Variants in SPTB observed in about 807,000 individuals in gnomAD.
SPTB encodes the protein spectrin beta, erythrocytic, also known as spectrin beta chain, erythrocytic.
SPTB carries 45 observed loss-of-function variants against 256.2 expected under a neutral mutation model. The observed-to-expected ratio is 0.18, with a 90% CI of 0.14 to 0.23. The LOEUF (loss-of-function observed/expected upper bound fraction) is 0.23. Ranked by LOEUF, SPTB falls within the 10% of genes least tolerant of loss-of-function variation. The pLI, the probability that SPTB is intolerant of heterozygous loss-of-function variation, is 1.00. For synonymous variants in SPTB, 1,231 were observed against 1,243.1 expected, an observed-to-expected ratio of 0.99 and a Z score of 0.21; for missense variants, 2,715 against 3,040.4, an observed-to-expected ratio of 0.89 and a Z score of 2.52.
chr14:64,771,244 G>C, intron 26 of SPTB, 115 bp from the exon 27 acceptor site: 1 of 1,524,772 alleles, frequency 6.6e-7, no homozygotes, highest in Non-Finnish European at 9.0e-7. Flanking sequence ...GGCACTGCTG[G>C]AAGGTAGGAT....
intron 33 of SPTB, chr14:64,752,092 T>TAAACA (rs369050414): frequency 2.6e-4 from 287 of 1,087,834 alleles, no homozygotes; most frequent in Middle Eastern, 3.8e-4. Context: ...AGACTCTGTC[T>TAAACA]AAACAAAACA....
At position 64,786,957 on chromosome 14, in the gene SPTB, T is replaced by A. The variant is rs1226542860; in HGVS notation, c.3008A>T (p.Asp1003Val). ...IQRKLSGLERDVAAIQARVDA... is the reference protein window; with the variant it reads ...IQRKLSGLERVVAAIQARVDA... The stretch of plus-strand genomic sequence containing the variant: ...CACACGGGCCTGGATGGCGGCCACG[T>A]CACGCTCCAGCCCTGACAACTTCCT... The change falls in exon 16 of 36, where the codon GAC becomes GTC. Residue 1003 changes from aspartate to valine, a missense_variant. By Grantham distance (152) the Asp-to-Val change is radical. Coordinates refer to ENST00000644917, the MANE Select transcript of SPTB (RefSeq NM_001355436.2). This position sits in a 1 kb window ranked among gnomAD's most constrained non-coding sequence, Gnocchi z 5.6. 1.2e-6 allele frequency: 2 copies of A among 1,613,840 alleles called. No homozygotes were observed. The highest frequency in any genetic ancestry group is 4.5e-5 in the East Asian group (2 of 44,892).
rs1367926661 is a variant in SPTB, at chr14:64,778,013, A to G, written c.4563+1144T>C. Reference sequence around the variant, plus strand: ...AAGACTAGAGTTGGCTCATTTTACAATTAAGGAAACTGAGGTCCCAAGGAT... The same window carrying G: ...AAGACTAGAGTTGGCTCATTTTACAGTTAAGGAAACTGAGGTCCCAAGGAT... On this transcript the variant is annotated intron_variant, in intron 22 of 35. Transcript: ENST00000644917. This position sits in a 1 kb window ranked among gnomAD's most constrained non-coding sequence, Gnocchi z 5.2. Among the ~76,000 whole-genome samples the G allele has an allele frequency of 1.3e-5, 2 of 152,200 alleles. No homozygotes were observed. The highest frequency in any genetic ancestry group is 3.8e-4 in the East Asian group (2 of 5,198).
chr14:64,793,412 C>A lies in SPTB; in HGVS notation c.2251G>T (p.Asp751Tyr). ...DAENFFQFQGDADDLKAWLQD... is the reference protein window; with the variant it reads ...DAENFFQFQGYADDLKAWLQD... ...AGCCAAGCCTTCAGGTCATCCGCAT[C>A]GCCCTGGAACTGGAAAAAGTTCTCA... The change falls in exon 14 of 36, where the codon GAT becomes TAT. Residue 751 changes from aspartate (D) to tyrosine (Y), a missense_variant. Transcript: ENST00000644917. This position sits in a 1 kb window ranked among gnomAD's most constrained non-coding sequence, Gnocchi z 7.0. 6.2e-7 allele frequency: 1 copy of A among 1,613,576 alleles called. No homozygotes were observed. The highest frequency in any genetic ancestry group is 1.1e-5 in the South Asian group (1 of 91,084).
At chr14:64,859,714 C>CTA (rs1240938839) in intron 1 of SPTB, among the ~76,000 whole-genome samples, 4 of 59,076 alleles carry the variant, frequency 6.8e-5, no homozygotes, top group East Asian at 5.6e-4. Flanking sequence ...CTCTCTCTCT[C>CTA]TCTCTCTATA....
rs1248602299 is a variant in SPTB at position 64,772,354 on chromosome 14, A to C, written c.5553+226T>G. ...ACAACTGGAGAAACTGCAACCGTAT[A>C]GTATTGTATGCATTGGCCTTTTGTG... is the stretch of plus-strand genomic sequence containing the variant. On this transcript the variant is annotated intron_variant, in intron 26 of 35. Transcript: ENST00000644917. The surrounding 1 kb of genome is among the most constrained non-coding windows in gnomAD (Gnocchi z 5.4). Among the ~76,000 whole-genome samples the C allele has an allele frequency of 6.6e-6, 1 of 152,246 alleles. No individual in the cohort carries two copies. Among genetic ancestry groups the C allele is most frequent in the Non-Finnish European group, 1.5e-5 (1 of 68,044 alleles).
At chr14:64,797,885 T>C (rs770310040) in intron 9 of SPTB, 39 bp from the exon 10 acceptor site, 1 of 1,529,424 alleles carries the variant, frequency 6.5e-7, no homozygotes, top group South Asian at 1.1e-5. Context: ...GATGTTAAGA[T>C]CTCATGGCCA....
rs1028226302 is a variant in SPTB, at chr14:64,779,015, G to C, written c.4563+142C>G. 1.5e-6 allele frequency: 1 copy of C among 682,418 alleles called. No individual in the cohort carries two copies. The highest frequency in any genetic ancestry group is 1.8e-5 in the African/African-American group (1 of 55,434). The allele number at this position is 682,418 out of a possible 1,614,324, so 42.3% of individuals were successfully genotyped here. A position where few individuals can be genotyped will look rare whatever the true frequency, so the allele number is the denominator to read the frequency against. ...CTTTCTGCTATAAGATTACCAATAC[G>C]GTTTGGAGACCCCAAAGCTACCAAC... On this transcript the variant is annotated intron_variant, in intron 22 of 35. Coordinates refer to ENST00000644917, the MANE Select transcript of SPTB (RefSeq NM_001355436.2). The surrounding 1 kb of genome is among the most constrained non-coding windows in gnomAD (Gnocchi z 4.2).
At chr14:64,839,406 T>C (rs983283911) in intron 1 of SPTB, among the ~76,000 whole-genome samples, 2 of 152,122 alleles carry the variant, frequency 1.3e-5, no homozygotes, top group East Asian at 3.9e-4. Context: ...AAATCAGTGG[T>C]TGCCAGGGGT....
At chr14:64,849,678 T>C (rs1021409069) in intron 1 of SPTB, among the ~76,000 whole-genome samples, 17 of 152,216 alleles carry the variant, frequency 1.1e-4, no homozygotes, top group African/African-American at 3.9e-4. Context: ...ATGAGGGCCA[T>C]TCCTAGTATG....
chr14:64,878,832 GCTT>G (rs1447124615), intron 1 of SPTB, among the ~76,000 whole-genome samples: 2 of 151,420 alleles, frequency 1.3e-5, no homozygotes, highest in Admixed American at 1.3e-4. Flanking sequence ...AAAAACAGTG[GCTT>G]CTTTTCATTT....
At chr14:64,791,233 T>C (rs1437841718) in intron 15 of SPTB, among the ~76,000 whole-genome samples, 1 of 152,070 alleles carries the variant, frequency 6.6e-6, no homozygotes, top group Non-Finnish European at 1.5e-5. Flanking sequence ...CTTGCTGCTA[T>C]AGTTCCAGTA....
Position 64,766,712 on chromosome 14 carries a change from G to A in SPTB, c.6345+14C>T, listed in dbSNP as rs375155686. The A allele has an allele frequency of 6.2e-7, 1 of 1,613,502 alleles. No homozygotes were observed. The highest frequency in any genetic ancestry group is 1.3e-5 in the African/African-American group (1 of 74,832). ...TGACTCCCAGGAACTAGACAAACGAGACCAGAGACTGACCGGGGACGTTCT... is the reference window on the plus strand; with the variant it reads ...TGACTCCCAGGAACTAGACAAACGAAACCAGAGACTGACCGGGGACGTTCT... On this transcript the variant is annotated intron_variant, in intron 32 of 35. Transcript: ENST00000644917.
intron 1 of SPTB, among the ~76,000 whole-genome samples, chr14:64,862,092 C>T (rs1881877440): frequency 6.6e-6 from 1 of 152,232 alleles, no homozygotes; most frequent in African/African-American, 2.4e-5. Context: ...CTGGGCTCAA[C>T]TTGCTACAGC....
At position 64,749,282 on chromosome 14, in the gene SPTB, C is replaced by G. The variant is rs369148076; in HGVS notation, c.*24G>C. 306 of 1,557,908 alleles carry G rather than the reference C, an allele frequency of 2.0e-4. 1 individual carries two copies. The Middle Eastern group carries it at 3.4e-3, about 17-fold the overall frequency. On this transcript the variant is annotated 3_prime_UTR_variant, in exon 36 of 36. Transcript: ENST00000644917. This position sits in a 1 kb window ranked among gnomAD's most constrained non-coding sequence, Gnocchi z 4.7. Reference sequence around the variant, plus strand: ...GCCCGGTCTCTGCGCGTCCCGACTCCGCCGCGCCCGCCAGCCCCACCTGCT... The same window carrying G: ...GCCCGGTCTCTGCGCGTCCCGACTCGGCCGCGCCCGCCAGCCCCACCTGCT...
intron 7 of SPTB, 56 bp downstream of exon 7, chr14:64,801,229 A>G: frequency 1.4e-6 from 2 of 1,473,342 alleles, no homozygotes; most frequent in Non-Finnish European, 1.9e-6. Context: ...CCTCTAGCAC[A>G]GCGAGTGCAT....
intron 1 of SPTB, among the ~76,000 whole-genome samples, chr14:64,856,726 C>G (rs1295552428): frequency 6.6e-6 from 1 of 152,238 alleles, no homozygotes; most frequent in East Asian, 1.9e-4. Flanking sequence ...TTACGGAGCT[C>G]AGAAACTCTC....
intron 32 of SPTB, among the ~76,000 whole-genome samples, chr14:64,765,180 T>C (rs1014646568): frequency 2.6e-5 from 4 of 152,028 alleles, no homozygotes; most frequent in Admixed American, 6.5e-5. Context: ...GAAACTTCCA[T>C]GTGGAATGCC....
At chr14:64,863,789 C>T (rs1225295223) in intron 1 of SPTB, among the ~76,000 whole-genome samples, 4 of 152,216 alleles carry the variant, frequency 2.6e-5, no homozygotes, top group Non-Finnish European at 5.9e-5. Flanking sequence ...GTGAGAATAG[C>T]ATCGGCTTTT....
Sources: gnomAD v4.1 joint callset for allele counts (sites outside exome capture counted in the v4.1 genomes callset) on GRCh38, gnomAD v4.1.1 for gene constraint, Gnocchi (gnomAD v3.1) non-coding constraint, MANE v1.5 for transcripts, NCBI Gene and HGNC (gene_info 2026-07-23, HGNC 2026-07-21) for gene names.